TMC1: variants seen among roughly 807,000 people sequenced by gnomAD.
TMC1 encodes the protein transmembrane channel-like protein 1.
TMC1 carries 84 observed loss-of-function variants against 105.8 expected under a neutral mutation model. That is an observed-to-expected ratio of 0.79 (90% CI 0.67 to 0.95). The LOEUF (loss-of-function observed/expected upper bound fraction) is 0.95. Ranked by LOEUF, TMC1 falls within the 40% of genes least tolerant of loss-of-function variation. The probability of loss-of-function intolerance (pLI) is 0.00; values close to 1 mark genes in which losing one functional copy is unlikely to be tolerated. For synonymous variants in TMC1, 315 were observed against 311.5 expected, an observed-to-expected ratio of 1.01 and a Z score of -0.12; for missense variants, 817 against 914.1, an observed-to-expected ratio of 0.89 and a Z score of 1.37.
At chr9:72,654,412 T>C (rs1329899760) in intron 5 of TMC1, among the ~76,000 whole-genome samples, 1 of 152,238 alleles carries the variant, frequency 6.6e-6, no homozygotes, top group Non-Finnish European at 1.5e-5. Flanking sequence ...ATCTATTCTT[T>C]GTTCTTCATT....
chr9:72,744,023 G>A (rs1827444180), intron 10 of TMC1, among the ~76,000 whole-genome samples: 1 of 152,180 alleles, frequency 6.6e-6, no homozygotes, highest in Non-Finnish European at 1.5e-5. Flanking sequence ...GGCTCCATAG[G>A]GAGATAACAC....
chr9:72,576,379 T>C lies in TMC1; in HGVS notation c.-427-1523T>C, dbSNP rs536654415. Reference sequence around the variant, plus strand: ...TTCTTGTCTCTCTCCTCCTCTCTCTTCCCTCCCCTTTCTCCTTTCTGACCC... The same window carrying C: ...TTCTTGTCTCTCTCCTCCTCTCTCTCCCCTCCCCTTTCTCCTTTCTGACCC... On this transcript the variant is annotated intron_variant, in intron 1 of 23. Coordinates refer to ENST00000297784, the MANE Select transcript of TMC1 (RefSeq NM_138691.3). Among the ~76,000 whole-genome samples the C allele has an allele frequency of 1.2e-4, 18 of 152,012 alleles. No homozygotes were observed. In the South Asian group the frequency reaches 1.5e-3, roughly 12 times the overall value.
intron 5 of TMC1, among the ~76,000 whole-genome samples, chr9:72,676,853 C>T (rs568377281): frequency 3.9e-5 from 6 of 152,178 alleles, no homozygotes; most frequent in East Asian, 3.9e-4. Flanking sequence ...GGTATTGAAA[C>T]GTGTGTTTAT....
At chr9:72,566,503 T>G (rs926125712) in intron 1 of TMC1, among the ~76,000 whole-genome samples, 4 of 152,004 alleles carry the variant, frequency 2.6e-5, no homozygotes, top group Admixed American at 2.0e-4. Context: ...AAGGCCACTG[T>G]TTCAGGTGGG....
chr9:72,773,035 C>G (rs1340802587), intron 13 of TMC1, among the ~76,000 whole-genome samples: 1 of 152,002 alleles, frequency 6.6e-6, no homozygotes, highest in Non-Finnish European at 1.5e-5. Context: ...TGAATGGTCC[C>G]CAATGAAACC....
intron 18 of TMC1, among the ~76,000 whole-genome samples, chr9:72,807,892 C>T (rs150145842): frequency 5.5e-4 from 84 of 152,278 alleles, no homozygotes; most frequent in African/African-American, 1.9e-3. Flanking sequence ...CTCAGAACCA[C>T]ACTGGTGCTG....
intron 12 of TMC1, among the ~76,000 whole-genome samples, chr9:72,756,721 T>C (rs1485797232): frequency 1.3e-5 from 2 of 152,116 alleles, no homozygotes; most frequent in African/African-American, 2.4e-5. Flanking sequence ...GAACAAAAGG[T>C]CTTTTGATTT....
chr9:72,734,664 C>A (rs1827270132), intron 8 of TMC1, among the ~76,000 whole-genome samples: 1 of 152,052 alleles, frequency 6.6e-6, no homozygotes, highest in African/African-American at 2.4e-5. Context: ...TGGTTAAATT[C>A]TTTTAGATGG....
intron 8 of TMC1, among the ~76,000 whole-genome samples, chr9:72,708,064 A>G (rs1462278417): frequency 1.3e-5 from 2 of 152,184 alleles, no homozygotes; most frequent in African/African-American, 4.8e-5. Flanking sequence ...GTCAAAGATC[A>G]GTTGGCTGTA....
chr9:72,783,695 T>C (rs1391380339), intron 13 of TMC1, among the ~76,000 whole-genome samples: 3 of 152,040 alleles, frequency 2.0e-5, no homozygotes, highest in Non-Finnish European at 2.9e-5. Flanking sequence ...AACCACCACA[T>C]AGACCAATGG....
intron 1 of TMC1, among the ~76,000 whole-genome samples, chr9:72,530,796 T>C (rs1248713843): frequency 6.6e-6 from 1 of 150,982 alleles, no homozygotes. Context: ...TTAGGATATC[T>C]AATTTGCCAC....
intron 3 of TMC1, among the ~76,000 whole-genome samples, chr9:72,623,347 C>T (rs1271184579): frequency 2.0e-5 from 3 of 151,960 alleles, no homozygotes; most frequent in Admixed American, 6.6e-5. Context: ...TGTGTAGTAA[C>T]CCTAGCTCCT....
intron 12 of TMC1, among the ~76,000 whole-genome samples, chr9:72,756,305 C>G (rs914084077): frequency 6.6e-6 from 1 of 151,984 alleles, no homozygotes; most frequent in African/African-American, 2.4e-5. Context: ...ATGCTGTGCA[C>G]AAAGTTAGCA....
chr9:72,522,344 G>T (rs922259924), intron 1 of TMC1, among the ~76,000 whole-genome samples: 7 of 151,968 alleles, frequency 4.6e-5, no homozygotes, highest in Non-Finnish European at 1.0e-4. Context: ...CTCGTGATCC[G>T]CCCGCCTCAG....
chr9:72,521,673 G>A lies in TMC1; in HGVS notation c.-668G>A, dbSNP rs2132050202. 1 of 152,206 alleles carries A rather than the reference G, an allele frequency of 6.6e-6. No homozygotes were observed. Among genetic ancestry groups the A allele is most frequent in the South Asian group, 2.1e-4 (1 of 4,802 alleles). The allele number at this position is 152,206 out of a possible 1,614,324, so 9.4% of individuals were successfully genotyped here. A position where few individuals can be genotyped will look rare whatever the true frequency, so the allele number is the denominator to read the frequency against. Reference sequence around the variant, plus strand: ...CGGGAGAATCGCTTGAACCCGGAAGGCGGAGGTTGCAGTGAGCTGAAATCA... The same window carrying A: ...CGGGAGAATCGCTTGAACCCGGAAGACGGAGGTTGCAGTGAGCTGAAATCA... On this transcript the variant is annotated 5_prime_UTR_variant, in exon 1 of 24. Transcript: ENST00000297784.
intron 5 of TMC1, among the ~76,000 whole-genome samples, chr9:72,661,813 A>G (rs573141411): frequency 2.6e-5 from 4 of 152,334 alleles, no homozygotes; most frequent in African/African-American, 9.6e-5. Context: ...AAGTCCAAGG[A>G]TGAGGTGAGT....
chr9:72,704,907 C>A (rs1359362972), intron 8 of TMC1, among the ~76,000 whole-genome samples: 1 of 152,136 alleles, frequency 6.6e-6, no homozygotes, highest in Non-Finnish European at 1.5e-5. Context: ...GAATACTCAG[C>A]TCTACAGATG....
intron 2 of TMC1, among the ~76,000 whole-genome samples, chr9:72,586,517 A>G (rs1403517801): frequency 6.6e-6 from 1 of 152,226 alleles, no homozygotes; most frequent in African/African-American, 2.4e-5. Flanking sequence ...AAAGGCTTCT[A>G]TTCAGAGAGA....
intron 3 of TMC1, among the ~76,000 whole-genome samples, chr9:72,627,488 C>T (rs1825368559): frequency 6.6e-6 from 1 of 152,176 alleles, no homozygotes; most frequent in Admixed American, 6.5e-5. Flanking sequence ...CCTCTCTTTC[C>T]CACCTTCTTT....
Sources: allele counts gnomAD v4.1 joint callset (sites outside exome capture counted in the v4.1 genomes callset), GRCh38; gene constraint gnomAD v4.1.1; transcripts MANE v1.5; gene names NCBI Gene and HGNC (gene_info 2026-07-23, HGNC 2026-07-21).